PTGR1: variants seen among roughly 807,000 people sequenced by gnomAD.
PTGR1 encodes prostaglandin reductase 1.
Under a neutral mutation model 37.7 loss-of-function variants are expected in PTGR1, and 23 were observed. The ratio of observed to expected loss-of-function variants is 0.61; its 90% confidence interval spans 0.44 to 0.86. The LOEUF (loss-of-function observed/expected upper bound fraction) is 0.86. Among genes scored for constraint, PTGR1 ranks in the 40% least tolerant of loss-of-function variants. PTGR1 has a pLI of 0.00. For synonymous variants in PTGR1, 134 were observed against 140.0 expected (o/e 0.96, Z 0.30); for missense variants, 351 against 394.3 (o/e 0.89, Z 0.93).
At chr9:111,589,817 T>C (rs1829552697) in intron 4 of PTGR1, among the ~76,000 whole-genome samples, 1 of 150,138 alleles carries the variant, frequency 6.7e-6, no homozygotes, top group Admixed American at 6.6e-5. Flanking sequence ...GTATTTTTAG[T>C]AGAGATGAGG....
chr9:111,572,182 C>A (rs1177276340), intron 8 of PTGR1, among the ~76,000 whole-genome samples: 1 of 152,198 alleles, frequency 6.6e-6, no homozygotes, highest in Non-Finnish European at 1.5e-5. Flanking sequence ...AAATATGAAG[C>A]TTTGTCCTGA....
At chr9:111,591,308 T>C (rs563404857) in intron 4 of PTGR1, among the ~76,000 whole-genome samples, 5 of 148,894 alleles carry the variant, frequency 3.4e-5, no homozygotes, top group African/African-American at 1.2e-4. Context: ...AAAAAAAAAA[T>C]AATAATAAAA....
intron 4 of PTGR1, 78 bp downstream of exon 4, chr9:111,592,848 A>T (rs1376733536): frequency 6.5e-7 from 1 of 1,546,214 alleles, no homozygotes; most frequent in East Asian, 2.3e-5. Flanking sequence ...TTGTAGGAGC[A>T]ATGGACAGAG....
intron 6 of PTGR1, among the ~76,000 whole-genome samples, chr9:111,579,460 G>A (rs979355404): frequency 3.3e-5 from 5 of 152,070 alleles, no homozygotes; most frequent in Admixed American, 6.5e-5. Flanking sequence ...GCAGTAGCAC[G>A]AACATGGCTC....
intron 9 of PTGR1, among the ~76,000 whole-genome samples, chr9:111,553,110 TACACTC>T (rs938494425): frequency 4.6e-5 from 7 of 152,228 alleles, no homozygotes; most frequent in African/African-American, 1.7e-4. Context: ...TTTTTTGACT[TACACTC>T]ACTAAATGGT....
intron 9 of PTGR1, among the ~76,000 whole-genome samples, chr9:111,550,781 A>T (rs2132278499): frequency 6.6e-6 from 1 of 152,278 alleles, no homozygotes; most frequent in Middle Eastern, 3.4e-3. Context: ...CAAGTGCATT[A>T]TCTGATTCTT....
chr9:111,578,121 G>T (rs1829141653), intron 7 of PTGR1, among the ~76,000 whole-genome samples: 1 of 152,002 alleles, frequency 6.6e-6, no homozygotes, highest in Non-Finnish European at 1.5e-5. Flanking sequence ...TCTCAATAAA[G>T]CTGTTTTTTA....
At chr9:111,586,281 A>G (rs1829426189) in intron 4 of PTGR1, 116 bp from the exon 5 acceptor site, 1 of 981,670 alleles carries the variant, frequency 1.0e-6, no homozygotes, top group South Asian at 1.5e-5. Context: ...ATATTCCACA[A>G]CTGATAGTCC....
rs1829180510 is a variant in PTGR1 at position 111,578,960 on chromosome 9, A to AAG, written c.496-10_496-9insCT. 2.3e-6 allele frequency: 1 copy of AAG among 426,292 alleles called. No homozygotes were observed. The allele number at this position is 426,292 out of a possible 1,614,324, so 26.4% of individuals were successfully genotyped here. On this transcript the variant is annotated splice_polypyrimidine_tract_variant and intron_variant, in intron 6 of 9. Transcript: ENST00000407693. ...CCAACAACTTTGCAGCCCTAAGTAGAAAAAAAAAAAAAAAGGAAACCATGA... is the reference window on the plus strand; with the variant it reads ...CCAACAACTTTGCAGCCCTAAGTAGAAGAAAAAAAAAAAAAAGGAAACCATGA...
chr9:111,586,526 C>A (rs111535710), intron 4 of PTGR1, among the ~76,000 whole-genome samples: 1 of 152,146 alleles, frequency 6.6e-6, no homozygotes, highest in Non-Finnish European at 1.5e-5. Flanking sequence ...TTTCCAGAAT[C>A]GTTGAGATTT....
rs1829776333 is a variant in PTGR1 at position 111,596,239 on chromosome 9, C to T, written c.106+1078G>A. Among the ~76,000 whole-genome samples, 3 of 152,198 alleles carry T rather than the reference C, an allele frequency of 2.0e-5. No homozygotes were observed. The South Asian group carries it at 6.2e-4, about 31-fold the overall frequency. On this transcript the variant is annotated intron_variant, in intron 2 of 9. Transcript: ENST00000407693. Reference sequence around the variant, plus strand: ...CTTCTCCCATCAAGAAATCTATTTTCTGCCTCTCGAATCTGAGCTTGGTTT... The same window carrying T: ...CTTCTCCCATCAAGAAATCTATTTTTTGCCTCTCGAATCTGAGCTTGGTTT...
intron 8 of PTGR1, among the ~76,000 whole-genome samples, chr9:111,572,043 G>A (rs1266450905): frequency 6.6e-6 from 1 of 152,220 alleles, no homozygotes; most frequent in Non-Finnish European, 1.5e-5. Context: ...CAAGTTCCAG[G>A]AAGTCAGGCG....
intron 4 of PTGR1, 45 bp downstream of exon 4, chr9:111,592,881 G>A (rs1430813978): frequency 6.5e-7 from 1 of 1,542,696 alleles, no homozygotes; most frequent in Non-Finnish European, 8.7e-7. Context: ...AGGAGGTAAA[G>A]AGGAGACATA....
chr9:111,592,594 G>A (rs113250973), intron 4 of PTGR1: 9,374 of 205,834 alleles, frequency 0.046, 972 homozygotes, highest in African/African-American at 0.2. Flanking sequence ...TCAACCTGCC[G>A]ATCCACCTGG....
intron 9 of PTGR1, among the ~76,000 whole-genome samples, chr9:111,568,221 C>T (rs957474163): frequency 3.3e-5 from 5 of 152,126 alleles, no homozygotes; most frequent in African/African-American, 1.2e-4. Flanking sequence ...GAAGATATTG[C>T]TAAATTCTTT....
chr9:111,563,866 G>A (rs1405202591), intron 9 of PTGR1: 1 of 152,464 alleles, frequency 6.6e-6, no homozygotes, highest in Non-Finnish European at 1.5e-5. Context: ...GATCTCAGAG[G>A]AGGTACAAAT....
At chr9:111,598,582 T>C (rs559423404) in intron 1 of PTGR1, among the ~76,000 whole-genome samples, 13 of 152,162 alleles carry the variant, frequency 8.5e-5, no homozygotes, top group Admixed American at 1.3e-4. Context: ...GCAACCTCCG[T>C]CTCCCGGGTT....
chr9:111,590,930 G>A (rs746680269), intron 4 of PTGR1, among the ~76,000 whole-genome samples: 1 of 144,456 alleles, frequency 6.9e-6, no homozygotes, highest in Non-Finnish European at 1.5e-5. Flanking sequence ...TTCATATACT[G>A]TCAATGAAAG....
At chr9:111,563,476 A>G (rs1380087653) in intron 9 of PTGR1, 4 of 365,824 alleles carry the variant, frequency 1.1e-5, no homozygotes, top group African/African-American at 6.2e-5. Flanking sequence ...GCGAAATGTC[A>G]TAAGGCAGTG....
Sources: gnomAD v4.1 joint callset for allele counts (sites outside exome capture counted in the v4.1 genomes callset) on GRCh38, gnomAD v4.1.1 for gene constraint, MANE v1.5 for transcripts, NCBI Gene and HGNC (gene_info 2026-07-23, HGNC 2026-07-21) for gene names.